Variants in NRXN3 observed in about 807,000 individuals in gnomAD.
The protein encoded by NRXN3 is neurexin 3.
A neutral mutation model predicts 137.6 loss-of-function variants in NRXN3; 32 were observed. The ratio of observed to expected loss-of-function variants is 0.23; its 90% CI spans 0.18 to 0.31. The LOEUF (loss-of-function observed/expected upper bound fraction) is 0.31, where lower values mean the gene tolerates loss of function less well. Among genes scored for constraint, NRXN3 ranks in the 10% least tolerant of loss-of-function variants. NRXN3 has a pLI of 1.00. For synonymous variants in NRXN3, 798 were observed against 784.5 expected, an observed-to-expected ratio of 1.02 and a Z score of -0.29; for missense variants, 1,574 against 2,062.5, an observed-to-expected ratio of 0.76 and a Z score of 4.59.
intron 4 of NRXN3, among the ~76,000 whole-genome samples, chr14:78,525,474 TC>T (rs1416686331): frequency 6.6e-6 from 1 of 152,322 alleles, no homozygotes; most frequent in East Asian, 1.9e-4. Flanking sequence ...GATTGGGGCA[TC>T]CTTCATTTAC....
intron 16 of NRXN3, among the ~76,000 whole-genome samples, chr14:79,639,446 T>TAGTTGTAGTTG (rs1158380139): frequency 6.6e-6 from 1 of 152,218 alleles, no homozygotes; most frequent in African/African-American, 2.4e-5. Flanking sequence ...TCTTTGTGAT[T>TAGTTGTAGTTG]AGTTGTAGTT....
At chr14:79,693,705 C>A (rs2098724506) in intron 18 of NRXN3, among the ~76,000 whole-genome samples, 1 of 149,574 alleles carries the variant, frequency 6.7e-6, no homozygotes, top group Admixed American at 6.7e-5. Context: ...TTTAGTTTTT[C>A]TTACAATAGA....
chr14:78,187,685 T>C (rs1186367419), intron 1 of NRXN3, among the ~76,000 whole-genome samples: 1 of 148,832 alleles, frequency 6.7e-6, no homozygotes, highest in Admixed American at 6.6e-5. Context: ...TTTTCATTTT[T>C]CTCTTTCCTT....
intron 10 of NRXN3, among the ~76,000 whole-genome samples, chr14:78,881,805 C>G (rs1250586153): frequency 6.6e-6 from 1 of 151,658 alleles, no homozygotes; most frequent in African/African-American, 2.4e-5. Flanking sequence ...TTCAAGCCAG[C>G]TGCAGAAATT....
intron 19 of NRXN3, among the ~76,000 whole-genome samples, chr14:79,796,864 C>A (rs1603518171): frequency 6.6e-6 from 1 of 152,274 alleles, no homozygotes; most frequent in East Asian, 1.9e-4. Flanking sequence ...TCTTTAGTGA[C>A]AATGAATAAT....
chr14:79,089,183 G>A (rs763760798), intron 15 of NRXN3, among the ~76,000 whole-genome samples: 4 of 152,154 alleles, frequency 2.6e-5, no homozygotes, highest in Non-Finnish European at 5.9e-5. Context: ...GCAGGTAAGA[G>A]ACATGTACCC....
intron 4 of NRXN3, among the ~76,000 whole-genome samples, chr14:78,447,367 A>T (rs78440853): frequency 0.026 from 3,890 of 152,310 alleles, 71 homozygotes; most frequent in Non-Finnish European, 0.034. Flanking sequence ...TAATTTACGG[A>T]GGCACCCTAA....
intron 15 of NRXN3, among the ~76,000 whole-genome samples, chr14:79,149,490 T>C (rs1413163346): frequency 3.3e-5 from 5 of 152,092 alleles, no homozygotes; most frequent in African/African-American, 7.2e-5. Flanking sequence ...AATCAAGTGC[T>C]CTATGACATT....
chr14:79,211,929 T>G (rs1373781289), intron 15 of NRXN3, among the ~76,000 whole-genome samples: 2 of 152,210 alleles, frequency 1.3e-5, no homozygotes, highest in African/African-American at 4.8e-5. Context: ...ATTAAGGAAT[T>G]AAAACACTTG....
intron 15 of NRXN3, among the ~76,000 whole-genome samples, chr14:79,095,939 A>T (rs2050230477): frequency 1.3e-5 from 2 of 152,160 alleles, no homozygotes; most frequent in Admixed American, 6.5e-5. Flanking sequence ...GCACAAGAGT[A>T]CTTCCTATGC....
At chr14:79,517,358 G>A (rs914989991) in intron 16 of NRXN3, among the ~76,000 whole-genome samples, 3 of 152,116 alleles carry the variant, frequency 2.0e-5, no homozygotes, top group Non-Finnish European at 4.4e-5. Context: ...TTCTACTAGA[G>A]AGACTAATCT....
chr14:79,171,566 T>C (rs903701451), intron 15 of NRXN3, among the ~76,000 whole-genome samples: 1 of 152,118 alleles, frequency 6.6e-6, no homozygotes. Flanking sequence ...AATGACACTA[T>C]CCTTTGGAAT....
At chr14:79,533,505 G>C (rs60575894) in intron 16 of NRXN3, among the ~76,000 whole-genome samples, 3,815 of 152,160 alleles carry the variant, frequency 0.025, 160 homozygotes, top group East Asian at 0.15. Flanking sequence ...CCCTTTTTTG[G>C]TAGTGAAAAT....
At chr14:79,427,382 T>C (rs1461200836) in intron 15 of NRXN3, among the ~76,000 whole-genome samples, 1 of 152,110 alleles carries the variant, frequency 6.6e-6, no homozygotes, top group Non-Finnish European at 1.5e-5. Context: ...TGTTGGTGAG[T>C]TCCATTTTTA....
intron 15 of NRXN3, among the ~76,000 whole-genome samples, chr14:79,001,772 T>C: frequency 6.6e-6 from 1 of 152,220 alleles, no homozygotes; most frequent in East Asian, 1.9e-4. Flanking sequence ...TTCTTTTCTT[T>C]CTAATTTTTG....
intron 15 of NRXN3, among the ~76,000 whole-genome samples, chr14:79,120,847 A>G (rs1011175493): frequency 6.6e-6 from 1 of 152,158 alleles, no homozygotes; most frequent in Non-Finnish European, 1.5e-5. Context: ...AATCTCAAAA[A>G]TTGCTTACTC....
chr14:79,660,046 A>T (rs2098525925), intron 16 of NRXN3, among the ~76,000 whole-genome samples: 1 of 152,178 alleles, frequency 6.6e-6, no homozygotes, highest in African/African-American at 2.4e-5. Flanking sequence ...ATAGTGTATT[A>T]TCAAGAAGTG....
At chr14:79,055,342 A>C (rs777643173) in intron 15 of NRXN3, among the ~76,000 whole-genome samples, 1 of 152,208 alleles carries the variant, frequency 6.6e-6, no homozygotes, top group Non-Finnish European at 1.5e-5. Flanking sequence ...TTTAGTCTGC[A>C]CAGCAGGTTT....
intron 14 of NRXN3, among the ~76,000 whole-genome samples, chr14:78,978,786 T>C (rs2099479325): frequency 6.7e-6 from 1 of 148,234 alleles, no homozygotes; most frequent in Non-Finnish European, 1.5e-5. Flanking sequence ...ATATATATTA[T>C]TTATATACAT....
Sources: allele counts gnomAD v4.1 joint callset (sites outside exome capture counted in the v4.1 genomes callset), GRCh38; gene constraint gnomAD v4.1.1; transcripts MANE v1.5; gene names NCBI Gene and HGNC (gene_info 2026-07-23, HGNC 2026-07-21).